The following CALN1 variants were observed in gnomAD, a reference collection of about 807,000 sequenced individuals.
The protein encoded by CALN1 is calneuron 1.
In CALN1, 17 loss-of-function variants were observed where a neutral mutation model predicts 30.6. That is an observed-to-expected ratio of 0.56 (90% CI 0.38 to 0.83). The LOEUF is 0.83. CALN1 is among the 40% of genes least tolerant of loss of function. The pLI is 0.00. For missense variants in CALN1, 291 were observed against 354.9 expected (o/e 0.82, Z 1.45); for synonymous variants, 156 against 131.4 (o/e 1.19, Z -1.28).
chr7:71,979,869 C>CTT lies in CALN1; in HGVS notation c.501+43786_501+43787dup, dbSNP rs555621436. On this transcript the variant is annotated intron_variant, in intron 5 of 6. Coordinates refer to ENST00000395275, the MANE Select transcript of CALN1 (RefSeq NM_031468.4). ...ATAAAATCTCAGACACATCAGGATT[C>CTT]TTTTTTTTTTTTTTTTTTTTTTTTT... Among the ~76,000 whole-genome samples the CTT allele has an allele frequency of 2.7e-3, 241 of 89,694 alleles. 10 individuals are homozygous for CTT. Among genetic ancestry groups the CTT allele is most frequent in the South Asian group, 8.7e-3 (20 of 2,286 alleles). The allele number at this position is 89,694 out of a possible 152,430, so 58.8% of individuals were successfully genotyped here.
Position 72,366,059 on chromosome 7 carries a change from A to C in CALN1, c.119+37192T>G, listed in dbSNP as rs184927984. On this transcript the variant is annotated intron_variant, in intron 2 of 6. Transcript: ENST00000395275. ...AAGGATGTGGAATAAAGCATTGCTC[A>C]TATTATGAAAAATGAGAAGTACAAG... Among the ~76,000 whole-genome samples, 167 of 152,314 alleles carry C rather than the reference A, an allele frequency of 1.1e-3. 2 individuals carry two copies. Among genetic ancestry groups the C allele is most frequent in the African/African-American group, 3.7e-3 (155 of 41,588 alleles).
intron 3 of CALN1, among the ~76,000 whole-genome samples, chr7:72,189,509 C>T (rs1171236626): frequency 2.6e-5 from 4 of 152,134 alleles, no homozygotes. Context: ...GTAATCCCAG[C>T]CCTTTGGGAG....
At chr7:71,855,592 T>C (rs1790899872) in intron 5 of CALN1, among the ~76,000 whole-genome samples, 2 of 152,016 alleles carry the variant, frequency 1.3e-5, no homozygotes, top group African/African-American at 4.8e-5. Flanking sequence ...AAAGAAGCTG[T>C]TTTGGAGGTT....
At chr7:72,007,137 AGAC>A (rs1396796845) in intron 5 of CALN1, among the ~76,000 whole-genome samples, 2 of 152,336 alleles carry the variant, frequency 1.3e-5, no homozygotes, top group East Asian at 3.9e-4. Context: ...TTCGGAATAA[AGAC>A]GACATTTCCC....
At chr7:72,424,867 C>T (rs1023577567) in intron 1 of CALN1, among the ~76,000 whole-genome samples, 2 of 151,970 alleles carry the variant, frequency 1.3e-5, no homozygotes, top group African/African-American at 4.8e-5. Context: ...GAGTAGCTTC[C>T]TTCTTTATTT....
At chr7:72,190,145 C>T (rs1164790852) in intron 3 of CALN1, among the ~76,000 whole-genome samples, 2 of 152,146 alleles carry the variant, frequency 1.3e-5, no homozygotes, top group African/African-American at 4.8e-5. Context: ...CACCTAAGGT[C>T]AGGAGTTCGA....
At chr7:72,392,709 C>T (rs2129561498) in intron 2 of CALN1, among the ~76,000 whole-genome samples, 1 of 152,242 alleles carries the variant, frequency 6.6e-6, no homozygotes, top group Non-Finnish European at 1.5e-5. Context: ...AATGCAGTGG[C>T]ACATATCTGT....
intron 5 of CALN1, among the ~76,000 whole-genome samples, chr7:71,872,906 G>GC (rs1287957131): frequency 6.6e-6 from 1 of 151,844 alleles, no homozygotes; most frequent in African/African-American, 2.4e-5. Flanking sequence ...GAGCCACGGC[G>GC]CCCGGCCGTG....
At chr7:71,916,096 A>G (rs1794676625) in intron 5 of CALN1, among the ~76,000 whole-genome samples, 1 of 152,154 alleles carries the variant, frequency 6.6e-6, no homozygotes, top group Non-Finnish European at 1.5e-5. Context: ...GGTAAGGATT[A>G]TTTGTTTTTA....
chr7:72,071,331 A>T (rs1390436173), intron 4 of CALN1, among the ~76,000 whole-genome samples: 1 of 152,130 alleles, frequency 6.6e-6, no homozygotes, highest in Non-Finnish European at 1.5e-5. Flanking sequence ...ACCTCTGCCC[A>T]TTGTATAAGC....
At chr7:72,300,756 C>T (rs1260737419) in intron 2 of CALN1, among the ~76,000 whole-genome samples, 1 of 152,050 alleles carries the variant, frequency 6.6e-6, no homozygotes, top group Non-Finnish European at 1.5e-5. Context: ...CTTTGGGAGG[C>T]CAAGAGGGGG....
At chr7:71,955,271 TC>T (rs1185723932) in intron 5 of CALN1, among the ~76,000 whole-genome samples, 13 of 152,104 alleles carry the variant, frequency 8.5e-5, no homozygotes, top group Non-Finnish European at 1.3e-4. Context: ...TCCCTGTGAT[TC>T]AGTGATCTCC....
At chr7:72,409,589 T>C (rs1806970963) in intron 1 of CALN1, among the ~76,000 whole-genome samples, 1 of 151,916 alleles carries the variant, frequency 6.6e-6, no homozygotes, top group Non-Finnish European at 1.5e-5. Flanking sequence ...ACCAAAGTCT[T>C]TCATGGATTT....
In CALN1 at chr7:72,117,967, A is replaced by G. The variant is rs187412138; in HGVS notation, c.245-11673T>C. ...TGCGAGACACCGTCTCAAAAAAAAA[A>G]AAGAAAAAAAAAAAAGAATCACTGT... is the stretch of plus-strand genomic sequence containing the variant. On this transcript the variant is annotated intron_variant, in intron 3 of 6. Transcript: ENST00000395275. Among the ~76,000 whole-genome samples the G allele has an allele frequency of 8.6e-3, 1,302 of 151,480 alleles. 9 individuals carry two copies. Among genetic ancestry groups the G allele is most frequent in the Middle Eastern group, 0.027 (8 of 294 alleles).
intron 4 of CALN1, among the ~76,000 whole-genome samples, chr7:72,079,153 G>A (rs1184445503): frequency 6.6e-6 from 1 of 152,328 alleles, no homozygotes; most frequent in South Asian, 2.1e-4. Context: ...CACAATGGCT[G>A]AGGACCTTCA....
the CALN1 span, among the ~76,000 whole-genome samples, chr7:72,480,738 C>T: frequency 6.6e-6 from 1 of 152,038 alleles, no homozygotes; most frequent in Non-Finnish European, 1.5e-5. Context: ...TTATTGATTT[C>T]TCTTTAAGTG....
chr7:72,331,673 T>TC (rs1801688925), intron 2 of CALN1, among the ~76,000 whole-genome samples: 1 of 152,198 alleles, frequency 6.6e-6, no homozygotes, highest in African/African-American at 2.4e-5. Context: ...TTATTTTTTT[T>TC]CCAACTGTTA....
At chr7:72,432,319 T>A (rs1011516776) in intron 1 of CALN1, among the ~76,000 whole-genome samples, 3 of 152,226 alleles carry the variant, frequency 2.0e-5, no homozygotes, top group African/African-American at 7.2e-5. Context: ...TGTGGAACTT[T>A]GAGTCCATTA....
At chr7:71,848,681 G>A (rs1010758913) in intron 5 of CALN1, among the ~76,000 whole-genome samples, 1 of 151,586 alleles carries the variant, frequency 6.6e-6, no homozygotes, top group African/African-American at 2.4e-5. Flanking sequence ...TGAAGACTGG[G>A]ATAGAATTAT....
Sources: allele counts gnomAD v4.1 joint callset (sites outside exome capture counted in the v4.1 genomes callset), GRCh38; gene constraint gnomAD v4.1.1; transcripts MANE v1.5; gene names NCBI Gene and HGNC (gene_info 2026-07-23, HGNC 2026-07-21).